Variants in MYH9 observed in about 807,000 individuals in gnomAD.
MYH9 encodes myosin-9.
MYH9 carries 29 observed loss-of-function variants against 241.9 expected under a neutral mutation model. The observed-to-expected ratio is 0.12, with a 90% confidence interval of 0.09 to 0.16. MYH9 has a LOEUF of 0.16. MYH9 is among the 10% of genes least tolerant of loss of function. MYH9 has a pLI of 1.00. For missense variants in MYH9, 1,803 were observed against 2,595.5 expected (o/e 0.69, Z 6.63); for synonymous variants, 1,047 against 1,062.6 (o/e 0.99, Z 0.29).
Position 36,293,714 on chromosome 22 carries a change from C to CT in MYH9, c.3942+44dup, listed in dbSNP as rs1218960124. 1 of 1,559,910 alleles carries CT rather than the reference C, an allele frequency of 6.4e-7. No homozygotes were observed. The highest frequency in any genetic ancestry group is 8.8e-7 in the Non-Finnish European group (1 of 1,135,038). ...GCTAATGTTGCGTGGACACAGAGGCCTTTCTGGAGGGGTCCACCTTCTGGG... is the reference window on the plus strand; with the variant it reads ...GCTAATGTTGCGTGGACACAGAGGCCTTTTCTGGAGGGGTCCACCTTCTGGG... On this transcript the variant is annotated intron_variant, in intron 29 of 40. Transcript: ENST00000216181. This position sits in a 1 kb window ranked among gnomAD's most constrained non-coding sequence, Gnocchi z 5.1.
chr22:36,298,727 G>A (rs563821824), intron 24 of MYH9, among the ~76,000 whole-genome samples, 192 bp downstream of exon 24: 13 of 152,306 alleles, frequency 8.5e-5, no homozygotes, highest in South Asian at 2.1e-4. Context: ...TCAGGTTCCC[G>A]CAGGCACCAG....
intron 20 of MYH9, 199 bp downstream of exon 20, chr22:36,302,369 C>T (rs560960476): frequency 4.1e-5 from 22 of 533,982 alleles, no homozygotes; most frequent in Non-Finnish European, 7.2e-5. Flanking sequence ...CAAAAAGGGC[C>T]GGGCACAGTG....
intron 1 of MYH9, among the ~76,000 whole-genome samples, chr22:36,387,529 G>A (rs767891722): frequency 1.8e-4 from 28 of 151,852 alleles, no homozygotes; most frequent in Non-Finnish European, 2.8e-4. Flanking sequence ...CGCGCCGGGG[G>A]ACACGGGGGG....
At chr22:36,343,489 A>C (rs1290937680) in intron 2 of MYH9, among the ~76,000 whole-genome samples, 1 of 151,460 alleles carries the variant, frequency 6.6e-6, no homozygotes, top group Non-Finnish European at 1.5e-5. Context: ...TCGAGGTTGC[A>C]GTAAGCCATG....
intron 1 of MYH9, among the ~76,000 whole-genome samples, chr22:36,385,835 A>C (rs1474144852): frequency 6.6e-6 from 1 of 152,166 alleles, no homozygotes; most frequent in African/African-American, 2.4e-5. Context: ...CCATGTTTTT[A>C]ATTACCCCCC....
At chr22:36,321,558 T>C (rs1658258304) in intron 7 of MYH9, among the ~76,000 whole-genome samples, 200 bp downstream of exon 7, 1 of 152,178 alleles carries the variant, frequency 6.6e-6, no homozygotes, top group South Asian at 2.1e-4. Flanking sequence ...CAGGTTATCC[T>C]GCCTGTAAAT....
Position 36,306,324 on chromosome 22 carries a change from T to C in MYH9, c.2037+90A>G, listed in dbSNP as rs1476594947. On this transcript the variant is annotated intron_variant, in intron 16 of 40. Coordinates refer to ENST00000216181, the MANE Select transcript of MYH9 (RefSeq NM_002473.6). The surrounding 1 kb of genome is among the most constrained non-coding windows in gnomAD (Gnocchi z 4.1). ...GAAGGCTCTGTGCATGCTGGGGGGC[T>C]GGAGGGGTGCTTTTGCTGGGGAGAC... 2 of 1,525,842 alleles carry C rather than the reference T, an allele frequency of 1.3e-6. No individual in the cohort carries two copies. The highest frequency in any genetic ancestry group is 1.8e-6 in the Non-Finnish European group (2 of 1,115,938). The allele number at this position is 1,525,842 out of a possible 1,614,324, so 94.5% of individuals were successfully genotyped here.
At chr22:36,352,229 C>T (rs569828836) in intron 1 of MYH9, among the ~76,000 whole-genome samples, 13 of 152,268 alleles carry the variant, frequency 8.5e-5, no homozygotes, top group East Asian at 5.8e-4. Context: ...CATTCCAGAG[C>T]GTTCAACAAA....
intron 1 of MYH9, among the ~76,000 whole-genome samples, chr22:36,353,226 T>G (rs1243890888): frequency 6.6e-6 from 1 of 152,082 alleles, no homozygotes; most frequent in African/African-American, 2.4e-5. Context: ...CATTTATGAA[T>G]GGGGGATAGT....
At chr22:36,342,728 C>T (rs897367272) in intron 2 of MYH9, among the ~76,000 whole-genome samples, 1 of 152,108 alleles carries the variant, frequency 6.6e-6, no homozygotes, top group Non-Finnish European at 1.5e-5. Context: ...CTTCAAGCAA[C>T]TGGAGTGACC....
Position 36,306,727 on chromosome 22 carries a change from A to G in MYH9, c.1844-120T>C. 9.7e-7 allele frequency: 1 copy of G among 1,032,176 alleles called. No individual in the cohort carries two copies. The allele number at this position is 1,032,176 out of a possible 1,614,324, so 63.9% of individuals were successfully genotyped here. On this transcript the variant is annotated intron_variant, in intron 15 of 40. Coordinates refer to ENST00000216181, the MANE Select transcript of MYH9 (RefSeq NM_002473.6). This position sits in a 1 kb window ranked among gnomAD's most constrained non-coding sequence, Gnocchi z 4.1. ...GGAAAAGAGGAGACAGAATGAAACAACAGGACCCTTTCCAATTGGAGCCTA... is the reference window on the plus strand; with the variant it reads ...GGAAAAGAGGAGACAGAATGAAACAGCAGGACCCTTTCCAATTGGAGCCTA...
intron 1 of MYH9, among the ~76,000 whole-genome samples, chr22:36,379,431 C>A (rs1267746144): frequency 6.6e-6 from 1 of 152,210 alleles, no homozygotes; most frequent in East Asian, 1.9e-4. Context: ...ATGGCGTGAA[C>A]CCGGGAGGTG....
At chr22:36,350,744 G>A (rs2017752136) in intron 1 of MYH9, among the ~76,000 whole-genome samples, 1 of 152,194 alleles carries the variant, frequency 6.6e-6, no homozygotes. Flanking sequence ...ATCCAGTCCT[G>A]TGGCCTTTCC....
In MYH9 at chr22:36,302,664, C is replaced by A. The variant is rs777484384; in HGVS notation, c.2403G>T (p.Lys801Asn). The A allele has an allele frequency of 6.2e-7, 1 of 1,613,284 alleles. No homozygotes were observed. Among genetic ancestry groups the A allele is most frequent in the South Asian group, 1.1e-5 (1 of 91,080 alleles). The change falls in exon 20 of 41, where the codon AAG (lysine) becomes AAT (asparagine). Residue 801 changes from lysine (K) to asparagine (N), a missense_variant. By Grantham distance (94) the Lys-to-Asn change is moderately conservative (BLOSUM62 0). This residue lies in a region of MYH9 where 72 missense variants were observed against 83.3 expected (regional missense o/e 0.86). Transcript: ENST00000216181. Reference protein sequence around the residue: ...RGYLARKAFAKRQQQLTAMKV... With the variant: ...RGYLARKAFANRQQQLTAMKV... Reference sequence around the variant, plus strand: ...TCATGGCGGTAAGCTGCTGCTGCCGCTTGGCAAATGCTCTGTGTGGTGAGG... The same window carrying A: ...TCATGGCGGTAAGCTGCTGCTGCCGATTGGCAAATGCTCTGTGTGGTGAGG...
chr22:36,331,399 G>A (rs1032386071), intron 3 of MYH9, among the ~76,000 whole-genome samples: 5 of 152,292 alleles, frequency 3.3e-5, no homozygotes, highest in African/African-American at 7.2e-5. Context: ...ATTTTCAACC[G>A]AAAATGTCCT....
At chr22:36,287,028 G>A (rs1032489755) in intron 34 of MYH9, 182 bp from the exon 35 acceptor site, 12 of 759,772 alleles carry the variant, frequency 1.6e-5, no homozygotes, top group East Asian at 2.7e-5. Context: ...ATCCCACCCC[G>A]TAATGCACAC....
rs541485891 is a variant in MYH9 at position 36,301,733 on chromosome 22, G to T, written c.2500-68C>A. ...TGCCCGCCTCTGCCAACAGGTGTGA[G>T]GCCTCTCCCTCACCTCTGGAAACAT... On this transcript the variant is annotated intron_variant, in intron 20 of 40. Transcript: ENST00000216181. 5.0e-6 allele frequency: 8 copies of T among 1,596,362 alleles called. 1 individual carries two copies. In the South Asian group the frequency reaches 5.5e-5, roughly 11 times the overall value.
rs982896738 is a variant in MYH9, at chr22:36,320,737, A to G, written c.868+61T>C. 2 of 1,435,890 alleles carry G rather than the reference A, an allele frequency of 1.4e-6. No homozygotes were observed. The highest frequency in any genetic ancestry group is 2.8e-5 in the African/African-American group (2 of 71,352). The allele number at this position is 1,435,890 out of a possible 1,614,324, so 88.9% of individuals were successfully genotyped here. On this transcript the variant is annotated intron_variant, in intron 8 of 40. Coordinates refer to ENST00000216181, the MANE Select transcript of MYH9 (RefSeq NM_002473.6). This position sits in a 1 kb window ranked among gnomAD's most constrained non-coding sequence, Gnocchi z 4.8. ...TTTCCCAAATGATGTCTACGGTCCA[A>G]TTCTGGCAAGAGGCCCAGAGCCCGG...
rs1191839295 is a variant in MYH9, at chr22:36,293,270, G to C, written c.4095+59C>G. On this transcript the variant is annotated intron_variant, in intron 30 of 40. Coordinates refer to ENST00000216181, the MANE Select transcript of MYH9 (RefSeq NM_002473.6). This position sits in a 1 kb window ranked among gnomAD's most constrained non-coding sequence, Gnocchi z 5.1. ...GGGCTGTCCTGCAGTGCCCAGGCCAGTGCCCGGCCAGCAGCTCCCCAGCCT... is the reference window on the plus strand; with the variant it reads ...GGGCTGTCCTGCAGTGCCCAGGCCACTGCCCGGCCAGCAGCTCCCCAGCCT... 1.2e-6 allele frequency: 2 copies of C among 1,609,382 alleles called. No individual in the cohort carries two copies. Among genetic ancestry groups the C allele is most frequent in the East Asian group, 4.5e-5 (2 of 44,854 alleles).
Sources: gnomAD v4.1 joint callset for allele counts (sites outside exome capture counted in the v4.1 genomes callset) on GRCh38, gnomAD v4.1.1 for gene constraint, gnomAD v4.1.1 regional missense constraint, Gnocchi (gnomAD v3.1) non-coding constraint, MANE v1.5 for transcripts, NCBI Gene and HGNC (gene_info 2026-07-23, HGNC 2026-07-21) for gene names.